The following MARCHF1 variants were observed in gnomAD, a reference collection of about 807,000 sequenced individuals.
MARCHF1 encodes E3 ubiquitin-protein ligase MARCHF1.
Under a neutral mutation model 54.2 loss-of-function variants are expected in MARCHF1, and 40 were observed. The ratio of observed to expected loss-of-function variants is 0.74; its 90% confidence interval spans 0.57 to 0.96. MARCHF1 has a LOEUF of 0.96. Ranked by LOEUF, MARCHF1 falls within the 40% of genes least tolerant of loss-of-function variation. MARCHF1 has a pLI of 0.00. For synonymous variants in MARCHF1, 236 were observed against 236.3 expected, an observed-to-expected ratio of 1.00 and a Z score of 0.01; for missense variants, 586 against 656.5, an observed-to-expected ratio of 0.89 and a Z score of 1.17.
chr4:164,278,961 T>C (rs910526110), intron 1 of MARCHF1, among the ~76,000 whole-genome samples: 41 of 152,272 alleles, frequency 2.7e-4, no homozygotes, highest in Middle Eastern at 3.4e-3. Flanking sequence ...CCTATACATA[T>C]ACACACAGCT....
chr4:164,098,436 G>A (rs1388672480), intron 2 of MARCHF1, among the ~76,000 whole-genome samples: 2 of 152,140 alleles, frequency 1.3e-5, no homozygotes, highest in Non-Finnish European at 2.9e-5. Flanking sequence ...AATTATTGAA[G>A]AGTAGCCCTA....
chr4:163,834,557 T>A (rs1272960477), intron 4 of MARCHF1, among the ~76,000 whole-genome samples: 1 of 150,664 alleles, frequency 6.6e-6, no homozygotes, highest in African/African-American at 2.4e-5. Context: ...ACCCACTAAC[T>A]CATCATCTAG....
chr4:164,280,117 C>T (rs143564515), intron 1 of MARCHF1, among the ~76,000 whole-genome samples: 2 of 151,888 alleles, frequency 1.3e-5, no homozygotes, highest in East Asian at 3.9e-4. Context: ...AAAACCTCTA[C>T]TGGTTATATT....
chr4:164,164,151 A>G lies in MARCHF1; in HGVS notation c.-322-52489T>C, dbSNP rs1402002132. Among the ~76,000 whole-genome samples the G allele has an allele frequency of 2.0e-5, 3 of 151,990 alleles. No homozygotes were observed. In the East Asian group the frequency reaches 5.8e-4, roughly 29 times the overall value. The stretch of plus-strand genomic sequence containing the variant: ...AAGGGGAAAAGATCTCAAGTAAAAT[A>G]CTTCAACTTCTTCCTTAAGATATTA... On this transcript the variant is annotated intron_variant, in intron 1 of 9. Transcript: ENST00000514618.
intron 2 of MARCHF1, among the ~76,000 whole-genome samples, chr4:164,002,041 C>T (rs1480512959): frequency 1.3e-5 from 2 of 151,666 alleles, no homozygotes; most frequent in East Asian, 3.9e-4. Flanking sequence ...CTTCTAGACC[C>T]TCCCTAAATA....
chr4:164,238,827 A>C (rs1235343753), intron 1 of MARCHF1, among the ~76,000 whole-genome samples: 1 of 152,018 alleles, frequency 6.6e-6, no homozygotes, highest in Admixed American at 6.5e-5. Flanking sequence ...ACTCTCTTTT[A>C]ATCAGGTCAT....
At chr4:163,970,383 G>A (rs568355531) in intron 3 of MARCHF1, among the ~76,000 whole-genome samples, 1 of 152,236 alleles carries the variant, frequency 6.6e-6, no homozygotes, top group Non-Finnish European at 1.5e-5. Context: ...GAAATACACC[G>A]AGTCATCCAT....
chr4:163,724,730 G>A (rs996035293), intron 4 of MARCHF1, among the ~76,000 whole-genome samples: 2 of 152,082 alleles, frequency 1.3e-5, no homozygotes, highest in African/African-American at 2.4e-5. Flanking sequence ...CCTCAGCCTC[G>A]CTGCCACCTT....
At chr4:163,667,607 C>G (rs571328482) in intron 5 of MARCHF1, among the ~76,000 whole-genome samples, 2 of 151,970 alleles carry the variant, frequency 1.3e-5, no homozygotes, top group African/African-American at 4.8e-5. Flanking sequence ...TATACCACTG[C>G]ATAATGTCCA....
intron 1 of MARCHF1, among the ~76,000 whole-genome samples, chr4:164,320,001 G>A (rs1735098385): frequency 6.6e-6 from 1 of 152,038 alleles, no homozygotes; most frequent in Non-Finnish European, 1.5e-5. Context: ...CTGTAAGAGG[G>A]ATAATATAAA....
intron 2 of MARCHF1, among the ~76,000 whole-genome samples, chr4:164,046,531 T>C (rs1754247914): frequency 1.3e-5 from 2 of 152,240 alleles, no homozygotes; most frequent in African/African-American, 2.4e-5. Context: ...GTAATAATCA[T>C]CTGTTTTACT....
At chr4:164,076,449 A>G (rs186890691) in intron 2 of MARCHF1, among the ~76,000 whole-genome samples, 3 of 152,318 alleles carry the variant, frequency 2.0e-5, no homozygotes, top group Admixed American at 2.0e-4. Flanking sequence ...TAATGGGCAA[A>G]TTTGGAAGCA....
At chr4:164,271,003 TGAGTAG>T (rs1419613693) in intron 1 of MARCHF1, among the ~76,000 whole-genome samples, 1 of 152,004 alleles carries the variant, frequency 6.6e-6, no homozygotes, top group African/African-American at 2.4e-5. Flanking sequence ...CCATAATTCA[TGAGTAG>T]AAAAATAGAC....
intron 2 of MARCHF1, among the ~76,000 whole-genome samples, chr4:164,085,978 T>C (rs1755185990): frequency 6.6e-6 from 1 of 151,730 alleles, no homozygotes; most frequent in African/African-American, 2.4e-5. Context: ...GGGGGGGTTA[T>C]AAGAATTTAT....
intron 4 of MARCHF1, among the ~76,000 whole-genome samples, chr4:163,736,946 A>AAAT (rs981451533): frequency 1.2e-4 from 19 of 152,162 alleles, no homozygotes; most frequent in African/African-American, 4.3e-4. Context: ...AAAGCCTAAT[A>AAAT]AATTTATGAT....
intron 4 of MARCHF1, among the ~76,000 whole-genome samples, chr4:163,820,771 A>G (rs1748670409): frequency 6.6e-6 from 1 of 151,928 alleles, no homozygotes; most frequent in African/African-American, 2.4e-5. Context: ...TAATTTTCAT[A>G]TGCAAACAAT....
Position 164,050,275 on chromosome 4 carries a change from C to CAAAAAAAAAAAAAA in MARCHF1, c.-248+61299_-248+61312dup, listed in dbSNP as rs34642436. ...GGGCGACGGAGCGAGACACTGTCTC[C>CAAAAAAAAAAAAAA]AAAAAAAAAAAAAAAAAAAAAAAAA... On this transcript the variant is annotated intron_variant, in intron 2 of 9. Coordinates refer to ENST00000514618, the MANE Select transcript of MARCHF1 (RefSeq NM_001394959.1). Among the ~76,000 whole-genome samples the CAAAAAAAAAAAAAA allele has an allele frequency of 2.7e-4, 11 of 40,192 alleles. 1 individual carries two copies. The highest frequency in any genetic ancestry group is 2.1e-3 in the East Asian group (2 of 934). 26.4% of individuals were successfully genotyped at this position (40,192 alleles called of 152,430 possible).
At chr4:163,733,171 ATG>A (rs770554772) in intron 4 of MARCHF1, among the ~76,000 whole-genome samples, 1 of 44,738 alleles carries the variant, frequency 2.2e-5, no homozygotes, top group Non-Finnish European at 4.3e-5. Flanking sequence ...CTCTCTCTGT[ATG>A]TGTGTATATA....
At chr4:164,269,909 C>A (rs757951504) in intron 1 of MARCHF1, among the ~76,000 whole-genome samples, 1 of 152,126 alleles carries the variant, frequency 6.6e-6, no homozygotes, top group Non-Finnish European at 1.5e-5. Flanking sequence ...TTTACAGTAG[C>A]CTCCTAAATG....
Sources: allele counts gnomAD v4.1 joint callset (sites outside exome capture counted in the v4.1 genomes callset), GRCh38; gene constraint gnomAD v4.1.1; transcripts MANE v1.5; gene names NCBI Gene and HGNC (gene_info 2026-07-23, HGNC 2026-07-21).